Variants in SMC1B observed in about 807,000 individuals in gnomAD.
The protein encoded by SMC1B is structural maintenance of chromosomes protein 1B.
SMC1B carries 60 observed loss-of-function variants against 157.9 expected under a neutral mutation model. The observed-to-expected ratio is 0.38, with a 90% CI of 0.31 to 0.47. The LOEUF is 0.47. SMC1B is among the 20% of genes least tolerant of loss of function. SMC1B has a pLI of 0.99. For synonymous variants in SMC1B, 445 were observed against 483.0 expected (o/e 0.92, Z 1.03); for missense variants, 1,165 against 1,426.2 (o/e 0.82, Z 2.95).
chr22:45,396,228 A>T, intron 7 of SMC1B, 118 bp downstream of exon 7: 1 of 807,632 alleles, frequency 1.2e-6, no homozygotes, highest in Non-Finnish European at 1.8e-6. Flanking sequence ...ATCATGAAAT[A>T]AATGAAATGA....
intron 11 of SMC1B, among the ~76,000 whole-genome samples, chr22:45,386,179 A>G (rs1420524461): frequency 6.6e-6 from 1 of 152,098 alleles, no homozygotes; most frequent in African/African-American, 2.4e-5. Context: ...GTTACTAAGT[A>G]GCATCACTGG....
intron 24 of SMC1B, 61 bp downstream of exon 24, chr22:45,345,398 G>A: frequency 2.1e-6 from 2 of 973,400 alleles, no homozygotes; most frequent in East Asian, 2.5e-5. Flanking sequence ...CCCAGTGGCT[G>A]TCAGGGTACT....
chr22:45,355,005 C>T lies in SMC1B; in HGVS notation c.3072G>A (p.Leu1024=). The part of the protein sequence containing the change: ...LKTAAPNLRA[L]ENLKTVRDKF... ...TGTCTCTGACAGTCTTTAAGTTCTC[C>T]AGTGCTCGTAGGTTTGGGGCTGCTG... The change falls in exon 20 of 25, where the codon CTG becomes CTA. Residue 1024 remains leucine (L), a synonymous_variant. Coordinates refer to ENST00000357450, the MANE Select transcript of SMC1B (RefSeq NM_148674.5). 2 of 1,614,190 alleles carry T rather than the reference C, an allele frequency of 1.2e-6. No homozygotes were observed. Among genetic ancestry groups the T allele is most frequent in the South Asian group, 1.1e-5 (1 of 91,088 alleles).
At chr22:45,405,635 T>C (rs2087250837) in intron 4 of SMC1B, among the ~76,000 whole-genome samples, 1 of 152,120 alleles carries the variant, frequency 6.6e-6, no homozygotes. Context: ...AATATCACTT[T>C]AACTACAACT....
chr22:45,374,932 G>C (rs987371337), intron 12 of SMC1B, among the ~76,000 whole-genome samples: 1 of 152,082 alleles, frequency 6.6e-6, no homozygotes, highest in Non-Finnish European at 1.5e-5. Context: ...CTAGCCATGA[G>C]AGATCACATG....
intron 11 of SMC1B, among the ~76,000 whole-genome samples, chr22:45,384,391 G>A (rs1014729589): frequency 2.0e-5 from 3 of 152,054 alleles, no homozygotes; most frequent in African/African-American, 7.2e-5. Context: ...TAGCTTTCGG[G>A]TTTTTTGTCA....
intron 12 of SMC1B, among the ~76,000 whole-genome samples, chr22:45,378,366 C>T (rs940230915): frequency 6.6e-6 from 1 of 152,082 alleles, no homozygotes; most frequent in Non-Finnish European, 1.5e-5. Context: ...TTTAAAAAAA[C>T]TATTGAGGTT....
At chr22:45,380,219 C>T (rs114541789) in intron 12 of SMC1B, among the ~76,000 whole-genome samples, 1,775 of 151,986 alleles carry the variant, frequency 0.012, 36 homozygotes, top group East Asian at 0.086. Flanking sequence ...TTTGTTTAAA[C>T]GTATAAGGAA....
Position 45,413,331 on chromosome 22 carries a change from G to A in SMC1B, c.109+128C>T, listed in dbSNP as rs1045362946. On this transcript the variant is annotated intron_variant, in intron 1 of 24. Transcript: ENST00000357450. ...CAGGCCGGGATCCGGTCGCGGTCAG[G>A]CTCCGGGACTGGAAGGGGAAGGCCG... 4.2e-5 allele frequency: 29 copies of A among 689,618 alleles called. No individual in the cohort carries two copies. The African/African-American group carries it at 5.3e-4, about 13-fold the overall frequency. The allele number at this position is 689,618 out of a possible 1,614,324, so 42.7% of individuals were successfully genotyped here. A position where few individuals can be genotyped will look rare whatever the true frequency, so the allele number is the denominator to read the frequency against.
At chr22:45,359,217 T>C (rs936295916) in intron 18 of SMC1B, among the ~76,000 whole-genome samples, 2 of 152,206 alleles carry the variant, frequency 1.3e-5, no homozygotes, top group African/African-American at 2.4e-5. Context: ...TTGATATACA[T>C]GGGGGATCCT....
At chr22:45,362,822 T>C in intron 16 of SMC1B, 63 bp downstream of exon 16, 1 of 1,413,216 alleles carries the variant, frequency 7.1e-7, no homozygotes. Context: ...CACAAAAGGT[T>C]TACCACATGA....
intron 23 of SMC1B, among the ~76,000 whole-genome samples, chr22:45,347,654 A>G (rs540350678): frequency 3.3e-5 from 5 of 152,194 alleles, no homozygotes; most frequent in Admixed American, 2.6e-4. Context: ...AGGTCTCACT[A>G]TGTTGCTCAG....
chr22:45,366,015 G>GGTTT (rs144251068), intron 15 of SMC1B, among the ~76,000 whole-genome samples: 2,088 of 151,794 alleles, frequency 0.014, 28 homozygotes, highest in African/African-American at 0.039. Flanking sequence ...TTGTTTTTTG[G>GGTTT]GTTTGTTTGT....
intron 12 of SMC1B, among the ~76,000 whole-genome samples, chr22:45,377,019 G>A (rs1348212266): frequency 1.3e-5 from 2 of 152,162 alleles, no homozygotes; most frequent in Non-Finnish European, 2.9e-5. Context: ...GAAGGAAACT[G>A]TGGATGGGGA....
chr22:45,354,180 C>G (rs773499257), intron 20 of SMC1B, 48 bp from the exon 21 acceptor site: 2 of 1,395,908 alleles, frequency 1.4e-6, no homozygotes, highest in Non-Finnish European at 1.9e-6. Context: ...TGAGGAGGTT[C>G]TTTTACTTAA....
At position 45,408,800 on chromosome 22, in the gene SMC1B, T is replaced by C. The variant is rs774112247; in HGVS notation, c.208A>G (p.Ile70Val). 3.2e-6 allele frequency: 5 copies of C among 1,584,434 alleles called. No homozygotes were observed. The highest frequency in any genetic ancestry group is 3.4e-6 in the Non-Finnish European group (4 of 1,168,644). ...NIQELIHGAH[I>V]GKPISSSASV... is the part of the protein sequence containing the mutation. Reference sequence around the variant, plus strand: ...GCAGAAGAAGAAATAGGTTTTCCAATATGTGCTCCATGAATGAGTTCTTGA... The same window carrying C: ...GCAGAAGAAGAAATAGGTTTTCCAACATGTGCTCCATGAATGAGTTCTTGA... The change falls in exon 2 of 25, where the codon ATT becomes GTT. Residue 70 changes from isoleucine (I) to valine (V), a missense_variant. Ile to Val is a conservative substitution (Grantham distance 29, BLOSUM62 3). Coordinates refer to ENST00000357450, the MANE Select transcript of SMC1B (RefSeq NM_148674.5).
At chr22:45,403,115 T>C (rs1259451957) in intron 4 of SMC1B, among the ~76,000 whole-genome samples, 5 of 152,178 alleles carry the variant, frequency 3.3e-5, no homozygotes, top group Admixed American at 6.5e-5. Context: ...CTAATCAATA[T>C]TGGAAGTATT....
At chr22:45,402,685 A>G in intron 4 of SMC1B, 114 bp from the exon 5 acceptor site, 1 of 783,532 alleles carries the variant, frequency 1.3e-6, no homozygotes, top group Non-Finnish European at 2.1e-6. Flanking sequence ...TTATTAGGAC[A>G]TAATGTTCTT....
chr22:45,388,942 G>A (rs974908782), intron 10 of SMC1B, among the ~76,000 whole-genome samples: 9 of 128,910 alleles, frequency 7.0e-5, no homozygotes, highest in African/African-American at 2.5e-4. Flanking sequence ...AACCAAGATC[G>A]TGCCACTGCA....
Sources: gnomAD v4.1 joint callset for allele counts (sites outside exome capture counted in the v4.1 genomes callset) on GRCh38, gnomAD v4.1.1 for gene constraint, MANE v1.5 for transcripts, NCBI Gene and HGNC (gene_info 2026-07-23, HGNC 2026-07-21) for gene names.